Variants in COL21A1 observed in about 807,000 individuals in gnomAD.
The protein encoded by COL21A1 is collagen alpha-1(XXI) chain.
COL21A1 carries 149 observed loss-of-function variants against 137.9 expected under a neutral mutation model. The observed-to-expected ratio is 1.08, with a 90% CI of 0.95 to 1.24. COL21A1 has a LOEUF of 1.24. Among genes scored for constraint, COL21A1 ranks in the 50% most tolerant of loss-of-function variants. The pLI is 0.00. For synonymous variants in COL21A1, 456 were observed against 391.5 expected (o/e 1.16, Z -1.95); for missense variants, 1,167 against 1,158.4 (o/e 1.01, Z -0.11).
chr6:56,242,607 C>T (rs1201984623), intron 1 of COL21A1, among the ~76,000 whole-genome samples: 1 of 152,090 alleles, frequency 6.6e-6, no homozygotes, highest in African/African-American at 2.4e-5. Flanking sequence ...GCTTGGACTT[C>T]AGAAAATTGT....
intron 1 of COL21A1, among the ~76,000 whole-genome samples, chr6:56,303,593 C>G (rs188922819): frequency 4.9e-4 from 74 of 152,318 alleles, no homozygotes; most frequent in African/African-American, 1.6e-3. Flanking sequence ...TATCCTGAGA[C>G]TTTGCTGAAG....
At chr6:56,260,308 G>C (rs984845109) in intron 1 of COL21A1, among the ~76,000 whole-genome samples, 8 of 152,030 alleles carry the variant, frequency 5.3e-5, no homozygotes, top group African/African-American at 1.2e-4. Flanking sequence ...ATCTGGCCAG[G>C]TGCAATGGTT....
chr6:56,290,633 G>C (rs1423019027), intron 1 of COL21A1, among the ~76,000 whole-genome samples: 1 of 151,766 alleles, frequency 6.6e-6, no homozygotes, highest in Non-Finnish European at 1.5e-5. Context: ...CTGAGTAGCT[G>C]GGACTACAAG....
intron 1 of COL21A1, among the ~76,000 whole-genome samples, chr6:56,262,999 A>C (rs181856962): frequency 6.6e-6 from 1 of 152,312 alleles, no homozygotes; most frequent in Admixed American, 6.5e-5. Context: ...TAAAATATAT[A>C]ATCTTGAACA....
chr6:56,268,085 G>A (rs143530456), intron 1 of COL21A1, among the ~76,000 whole-genome samples: 177 of 152,276 alleles, frequency 1.2e-3, no homozygotes, highest in Non-Finnish European at 1.5e-3. Flanking sequence ...AAGCTACAGC[G>A]CTGAGCTGGA....
intron 1 of COL21A1, among the ~76,000 whole-genome samples, chr6:56,385,902 C>CTT (rs771807619): frequency 3.5e-5 from 5 of 143,084 alleles, no homozygotes; most frequent in African/African-American, 1.3e-4. Context: ...TACTTCATTC[C>CTT]TTTTTTTTTT....
chr6:56,226,066 C>A (rs1781167856), intron 1 of COL21A1, among the ~76,000 whole-genome samples: 2 of 151,994 alleles, frequency 1.3e-5, no homozygotes, highest in African/African-American at 4.8e-5. Flanking sequence ...AATAAGAGTA[C>A]AAATAGTACA....
At chr6:56,163,886 A>G (rs1370918607) in intron 9 of COL21A1, among the ~76,000 whole-genome samples, 1 of 152,214 alleles carries the variant, frequency 6.6e-6, no homozygotes, top group African/African-American at 2.4e-5. Context: ...AAGCGCATAT[A>G]TAGAAATATG....
intron 1 of COL21A1, among the ~76,000 whole-genome samples, chr6:56,227,271 T>C (rs560216522): frequency 4.6e-5 from 7 of 152,174 alleles, no homozygotes; most frequent in Admixed American, 2.6e-4. Context: ...TAGTTCATGC[T>C]GTGAGCCAGC....
intron 2 of COL21A1, among the ~76,000 whole-genome samples, chr6:56,180,581 A>G (rs530678599): frequency 6.6e-6 from 1 of 152,336 alleles, no homozygotes; most frequent in East Asian, 1.9e-4. Context: ...GTTTCAAGAT[A>G]CCAGGAAACA....
Position 56,179,680 on chromosome 6 carries a change from T to A in COL21A1, c.538A>T (p.Arg180Ter). The A allele has an allele frequency of 6.2e-7, 1 of 1,614,018 alleles. No individual in the cohort carries two copies. Among genetic ancestry groups the A allele is most frequent in the Non-Finnish European group, 8.5e-7 (1 of 1,179,884 alleles). The change falls in exon 3 of 30, where the codon AGA becomes TGA. Residue 180 changes from arginine (R) to a stop codon, truncating the protein, a stop_gained. Coordinates refer to ENST00000244728, the MANE Select transcript of COL21A1 (RefSeq NM_030820.4). LOFTEE classifies it high-confidence loss of function. ...VGSETEDAEL[R>*]AIANKPSSTY... Reference sequence around the variant, plus strand: ...GACGAAGGCTTGTTGGCAATAGCTCTAAGTTCGGCATCTTCTGTTTCTGAA... The same window carrying A: ...GACGAAGGCTTGTTGGCAATAGCTCAAAGTTCGGCATCTTCTGTTTCTGAA...
At chr6:56,062,685 AATC>A (rs1359278282) in intron 24 of COL21A1, among the ~76,000 whole-genome samples, 1 of 152,196 alleles carries the variant, frequency 6.6e-6, no homozygotes, top group African/African-American at 2.4e-5. Context: ...ATTAAATAAA[AATC>A]ATCATAAAAC....
intron 10 of COL21A1, among the ~76,000 whole-genome samples, chr6:56,154,812 C>G (rs1028964363): frequency 5.9e-5 from 9 of 152,166 alleles, no homozygotes; most frequent in Non-Finnish European, 8.8e-5. Context: ...CCCCAACAAC[C>G]ACACAACATC....
intron 12 of COL21A1, among the ~76,000 whole-genome samples, chr6:56,133,705 G>T (rs982470305): frequency 6.6e-6 from 1 of 152,166 alleles, no homozygotes; most frequent in African/African-American, 2.4e-5. Flanking sequence ...GGGCCCCCTT[G>T]CTCTGTGCAG....
chr6:56,316,456 C>T (rs888779628), intron 1 of COL21A1, among the ~76,000 whole-genome samples: 1 of 131,822 alleles, frequency 7.6e-6, no homozygotes, highest in African/African-American at 2.7e-5. Context: ...TAAAAGCACA[C>T]CTTTTAAAAT....
chr6:56,271,007 A>C (rs1014413002), intron 1 of COL21A1, among the ~76,000 whole-genome samples: 3 of 152,226 alleles, frequency 2.0e-5, no homozygotes, highest in African/African-American at 7.2e-5. Context: ...GGAGTGGGGC[A>C]CTGCTATAAA....
chr6:56,390,853 AC>A (rs2094028140), intron 1 of COL21A1, among the ~76,000 whole-genome samples: 1 of 152,166 alleles, frequency 6.6e-6, no homozygotes, highest in African/African-American at 2.4e-5. Context: ...AGAGAGATAT[AC>A]CCCAATTCAA....
chr6:56,112,353 C>T lies in COL21A1; in HGVS notation c.1759-10828G>A, dbSNP rs143473472. ...TCCACCGATTGTCACCCCCTCCCAG[C>T]AAGAACACCAAGTTAACAATTATCT... On this transcript the variant is annotated intron_variant, in intron 16 of 29. Coordinates refer to ENST00000244728, the MANE Select transcript of COL21A1 (RefSeq NM_030820.4). Among the ~76,000 whole-genome samples, 11 of 152,254 alleles carry T rather than the reference C, an allele frequency of 7.2e-5. No homozygotes were observed. The East Asian group carries it at 2.1e-3, about 29-fold the overall frequency.
At chr6:56,359,883 CT>C (rs1765926469) in intron 1 of COL21A1, among the ~76,000 whole-genome samples, 1 of 152,122 alleles carries the variant, frequency 6.6e-6, no homozygotes, top group Non-Finnish European at 1.5e-5. Context: ...AAACATATTC[CT>C]TAATCTAATT....
Sources: gnomAD v4.1 joint callset for allele counts (sites outside exome capture counted in the v4.1 genomes callset) on GRCh38, gnomAD v4.1.1 for gene constraint, MANE v1.5 for transcripts, NCBI Gene and HGNC (gene_info 2026-07-23, HGNC 2026-07-21) for gene names.